Variants in TDRD5 observed in about 807,000 individuals in gnomAD.
The protein encoded by TDRD5 is tudor domain containing 5, also known as tudor domain-containing protein 5.
Under a neutral mutation model 120.6 loss-of-function variants are expected in TDRD5, and 41 were observed. That is an observed-to-expected ratio of 0.34 (90% CI 0.26 to 0.44). The LOEUF (loss-of-function observed/expected upper bound fraction) is 0.44, where lower values mean the gene tolerates loss of function less well. Ranked by LOEUF, TDRD5 falls within the 20% of genes least tolerant of loss-of-function variation. TDRD5 has a pLI of 1.00. For missense variants in TDRD5, 1,006 were observed against 1,221.2 expected (o/e 0.82, Z 2.63); for synonymous variants, 430 against 433.7 (o/e 0.99, Z 0.11).
At chr1:179,632,399 T>G (rs1677507468) in intron 7 of TDRD5, among the ~76,000 whole-genome samples, 1 of 115,960 alleles carries the variant, frequency 8.6e-6, no homozygotes, top group African/African-American at 3.4e-5. Context: ...ACAGGTTTTG[T>G]TTTTTTTTTT....
chr1:179,654,482 A>G, intron 14 of TDRD5, 120 bp downstream of exon 14: 1 of 1,124,160 alleles, frequency 8.9e-7, no homozygotes, highest in Non-Finnish European at 1.2e-6. Flanking sequence ...ACAAATTCTT[A>G]GGCCAAGTGC....
At chr1:179,662,640 A>G (rs1190960403) in intron 15 of TDRD5, among the ~76,000 whole-genome samples, 1 of 152,082 alleles carries the variant, frequency 6.6e-6, no homozygotes, top group Non-Finnish European at 1.5e-5. Context: ...TGAGAAAAGG[A>G]AATTTAAATT....
At chr1:179,592,977 CAT>C (rs754869302) in intron 2 of TDRD5, 130 bp downstream of exon 2, 2 of 960,582 alleles carry the variant, frequency 2.1e-6, no homozygotes, top group Non-Finnish European at 3.0e-6. Context: ...GAGGGAGACT[CAT>C]AGGTGCTTTT....
chr1:179,646,189 C>A (rs1678352150), intron 11 of TDRD5, among the ~76,000 whole-genome samples: 1 of 152,154 alleles, frequency 6.6e-6, no homozygotes, highest in Non-Finnish European at 1.5e-5. Context: ...CTAAGAAATA[C>A]ACTATTATTT....
rs778558448 is a variant in TDRD5 at position 179,688,198 on chromosome 1, A to G, written c.2861-2498A>G. Among the ~76,000 whole-genome samples, 7 of 151,954 alleles carry G rather than the reference A, an allele frequency of 4.6e-5. 1 individual carries two copies. Among genetic ancestry groups the G allele is most frequent in the Non-Finnish European group, 8.8e-5 (6 of 68,020 alleles). On this transcript the variant is annotated intron_variant, in intron 17 of 17. Transcript: ENST00000444136. ...TGGCTGGTACCAGTTGTTCCTTTCC[A>G]TGTTTAGTGCTTCCTTCAGGAGCTG...
chr1:179,678,719 A>G (rs938973606), intron 17 of TDRD5, among the ~76,000 whole-genome samples: 2 of 152,196 alleles, frequency 1.3e-5, no homozygotes, highest in African/African-American at 2.4e-5. Flanking sequence ...TATTACTGGT[A>G]TATAGAAATA....
intron 6 of TDRD5, 132 bp from the exon 7 acceptor site, chr1:179,630,635 G>C (rs1162754597): frequency 2.3e-6 from 2 of 859,172 alleles, no homozygotes; most frequent in Non-Finnish European, 3.4e-6. Context: ...TGGTATGGAA[G>C]TGAGCCTTTA....
intron 7 of TDRD5, among the ~76,000 whole-genome samples, chr1:179,631,906 T>C (rs1677476216): frequency 6.7e-6 from 1 of 149,166 alleles, no homozygotes; most frequent in African/African-American, 2.5e-5. Context: ...ACCTTCTTTT[T>C]CTTTTCTTTT....
intron 4 of TDRD5, among the ~76,000 whole-genome samples, chr1:179,605,708 G>A (rs1035731726): frequency 6.6e-6 from 1 of 152,094 alleles, no homozygotes; most frequent in Non-Finnish European, 1.5e-5. Flanking sequence ...CATATAGTTG[G>A]ACTTCTACAG....
At chr1:179,672,931 C>T (rs1205054809) in intron 17 of TDRD5, among the ~76,000 whole-genome samples, 1 of 152,108 alleles carries the variant, frequency 6.6e-6, no homozygotes, top group African/African-American at 2.4e-5. Flanking sequence ...TTTTTGGGTT[C>T]CCTATTCTGT....
chr1:179,664,018 G>A (rs1679445344), intron 16 of TDRD5, among the ~76,000 whole-genome samples: 1 of 152,192 alleles, frequency 6.6e-6, no homozygotes, highest in Non-Finnish European at 1.5e-5. Context: ...GACAATGTCT[G>A]TGAATCACGA....
At chr1:179,683,932 T>C (rs1210697371) in intron 17 of TDRD5, among the ~76,000 whole-genome samples, 1 of 152,196 alleles carries the variant, frequency 6.6e-6, no homozygotes, top group Non-Finnish European at 1.5e-5. Flanking sequence ...AGTACACATC[T>C]CAGAGTGCTT....
At position 179,650,040 on chromosome 1, in the gene TDRD5, G is replaced by A. The variant is rs1262868172; in HGVS notation, c.1801-827G>A. Among the ~76,000 whole-genome samples, 4 of 152,244 alleles carry A rather than the reference G, an allele frequency of 2.6e-5. No homozygotes were observed. In the East Asian group the frequency reaches 7.7e-4, roughly 29 times the overall value. On this transcript the variant is annotated intron_variant, in intron 11 of 17. Coordinates refer to ENST00000444136, the MANE Select transcript of TDRD5 (RefSeq NM_001199085.3). ...GAGAGTGTATCTCCTTAGGGACTCA[G>A]TTTAATGAAGGAAAGTTCTCCTGTA...
At chr1:179,637,024 G>A (rs1677799803) in intron 9 of TDRD5, among the ~76,000 whole-genome samples, 1 of 152,120 alleles carries the variant, frequency 6.6e-6, no homozygotes, top group Non-Finnish European at 1.5e-5. Context: ...ACTAAAAATT[G>A]TCCTTTGTTA....
intron 17 of TDRD5, among the ~76,000 whole-genome samples, chr1:179,681,498 T>C (rs1309819862): frequency 2.0e-5 from 3 of 152,158 alleles, no homozygotes; most frequent in African/African-American, 7.2e-5. Context: ...AAATGAGAAA[T>C]GTCTTTTATG....
At chr1:179,599,548 T>A (rs12129726) in intron 4 of TDRD5, among the ~76,000 whole-genome samples, 33,587 of 151,470 alleles carry the variant, frequency 0.22, 4,254 homozygotes, top group East Asian at 0.34. Flanking sequence ...TTTTTTTTTT[T>A]AAATGAGCCT....
At chr1:179,689,475 C>T (rs923789475) in intron 17 of TDRD5, among the ~76,000 whole-genome samples, 5 of 152,208 alleles carry the variant, frequency 3.3e-5, no homozygotes, top group Admixed American at 2.0e-4. Flanking sequence ...TGGGAGGTGA[C>T]TCCCAGTTAG....
At chr1:179,662,354 A>G (rs560754670) in intron 15 of TDRD5, 68 bp downstream of exon 15, 2 of 1,519,082 alleles carry the variant, frequency 1.3e-6, no homozygotes, top group Middle Eastern at 4.7e-4. Flanking sequence ...TAATCCTAGC[A>G]GTTTGGGAGG....
At chr1:179,643,131 C>A (rs140094742) in intron 11 of TDRD5, among the ~76,000 whole-genome samples, 9 of 152,192 alleles carry the variant, frequency 5.9e-5, no homozygotes, top group African/African-American at 2.2e-4. Context: ...GTGAAAAAAT[C>A]AACAGTTGGC....
Sources: allele counts gnomAD v4.1 joint callset (sites outside exome capture counted in the v4.1 genomes callset), GRCh38; gene constraint gnomAD v4.1.1; transcripts MANE v1.5; gene names NCBI Gene and HGNC (gene_info 2026-07-23, HGNC 2026-07-21).